Variants in PTPRD observed in about 807,000 individuals in gnomAD.
PTPRD encodes protein tyrosine phosphatase receptor type D, also known as receptor-type tyrosine-protein phosphatase delta.
A neutral mutation model predicts 214.5 loss-of-function variants in PTPRD; 34 were observed. The ratio of observed to expected loss-of-function variants is 0.16; its 90% confidence interval spans 0.12 to 0.21. PTPRD has a LOEUF of 0.21. PTPRD is among the 10% of genes least tolerant of loss of function. The pLI is 1.00. For synonymous variants in PTPRD, 1,128 were observed against 845.7 expected (o/e 1.33, Z -5.79); for missense variants, 2,545 against 2,398.7 (o/e 1.06, Z -1.27).
intron 7 of PTPRD, among the ~76,000 whole-genome samples, chr9:9,634,470 G>A (rs1320936003): frequency 6.6e-6 from 1 of 152,096 alleles, no homozygotes; most frequent in East Asian, 1.9e-4. Context: ...ATGAGACTGT[G>A]TGTTTGTTTC....
intron 2 of PTPRD, among the ~76,000 whole-genome samples, chr9:10,509,466 GATCC>G (rs1421234473): frequency 4.4e-5 from 2 of 45,208 alleles, no homozygotes; most frequent in African/African-American, 1.4e-4. Flanking sequence ...CCTTTTGATT[GATCC>G]ATCTATCTAT....
intron 2 of PTPRD, among the ~76,000 whole-genome samples, chr9:10,603,064 T>C (rs2078382170): frequency 6.6e-6 from 1 of 151,784 alleles, no homozygotes; most frequent in Non-Finnish European, 1.5e-5. Flanking sequence ...AAGGAGCTGA[T>C]ATACCATAAA....
At chr9:8,832,883 A>G (rs1255351260) in intron 11 of PTPRD, among the ~76,000 whole-genome samples, 3 of 152,148 alleles carry the variant, frequency 2.0e-5, no homozygotes, top group Non-Finnish European at 4.4e-5. Context: ...ACAAAAAATA[A>G]TATCTGAAAT....
At chr9:8,704,243 C>A (rs1420122248) in intron 12 of PTPRD, among the ~76,000 whole-genome samples, 1 of 152,104 alleles carries the variant, frequency 6.6e-6, no homozygotes, top group Non-Finnish European at 1.5e-5. Context: ...GCCTTCCCCC[C>A]TCCCACTCCA....
chr9:9,525,353 T>A (rs2073877420), intron 8 of PTPRD, among the ~76,000 whole-genome samples: 1 of 152,204 alleles, frequency 6.6e-6, no homozygotes, highest in African/African-American at 2.4e-5. Flanking sequence ...CAACCAAGGA[T>A]GATTAACGCT....
At chr9:9,911,788 G>T (rs1168145493) in intron 5 of PTPRD, among the ~76,000 whole-genome samples, 1 of 151,962 alleles carries the variant, frequency 6.6e-6, no homozygotes, top group Non-Finnish European at 1.5e-5. Flanking sequence ...ATAAATAAGA[G>T]AAAATGTTAA....
At chr9:9,598,692 TA>T (rs2093547673) in intron 7 of PTPRD, among the ~76,000 whole-genome samples, 1 of 152,080 alleles carries the variant, frequency 6.6e-6, no homozygotes, top group South Asian at 2.1e-4. Context: ...TTCACAGTAT[TA>T]AATGTTTATT....
intron 11 of PTPRD, among the ~76,000 whole-genome samples, chr9:8,913,478 A>C (rs551671746): frequency 6.6e-6 from 1 of 152,274 alleles, no homozygotes; most frequent in South Asian, 2.1e-4. Context: ...CAAGCAAAGT[A>C]TATTATTTAC....
intron 9 of PTPRD, among the ~76,000 whole-genome samples, chr9:9,312,534 A>C (rs1264214512): frequency 1.3e-5 from 2 of 152,094 alleles, no homozygotes; most frequent in African/African-American, 4.8e-5. Flanking sequence ...TTTTCTCTGG[A>C]TACTCTGGTT....
At chr9:10,413,044 A>G (rs2098453382) in intron 2 of PTPRD, among the ~76,000 whole-genome samples, 1 of 151,958 alleles carries the variant, frequency 6.6e-6, no homozygotes, top group Non-Finnish European at 1.5e-5. Flanking sequence ...TCCCCTTGAA[A>G]ACCAGGACAA....
At chr9:9,246,689 C>G (rs931152853) in intron 9 of PTPRD, among the ~76,000 whole-genome samples, 1 of 151,946 alleles carries the variant, frequency 6.6e-6, no homozygotes, top group African/African-American at 2.4e-5. Flanking sequence ...GTAAGCCCAC[C>G]GGCAACATCA....
intron 9 of PTPRD, among the ~76,000 whole-genome samples, chr9:9,186,984 T>C (rs1302260756): frequency 1.3e-5 from 2 of 151,336 alleles, no homozygotes; most frequent in Non-Finnish European, 2.9e-5. Context: ...ATATGACTCT[T>C]GAGTATTATA....
intron 35 of PTPRD, among the ~76,000 whole-genome samples, chr9:8,404,909 T>C (rs1028716713): frequency 1.3e-5 from 2 of 152,250 alleles, no homozygotes; most frequent in African/African-American, 4.8e-5. Context: ...GATGTTCTGT[T>C]AATATTGGAA....
intron 7 of PTPRD, among the ~76,000 whole-genome samples, chr9:9,719,469 C>T (rs2097896291): frequency 6.6e-6 from 1 of 152,152 alleles, no homozygotes; most frequent in African/African-American, 2.4e-5. Flanking sequence ...CTGGATTCCC[C>T]AAGCCAGAGC....
intron 3 of PTPRD, among the ~76,000 whole-genome samples, chr9:10,088,192 A>G (rs917223733): frequency 2.0e-5 from 3 of 151,766 alleles, no homozygotes; most frequent in African/African-American, 7.2e-5. Context: ...ATCAGGCTAG[A>G]TTATATCTTC....
intron 11 of PTPRD, among the ~76,000 whole-genome samples, chr9:8,976,804 T>C (rs1010548040): frequency 3.9e-5 from 6 of 152,128 alleles, no homozygotes; most frequent in Admixed American, 1.3e-4. Flanking sequence ...AGGTGGATAT[T>C]GTTGATTTTT....
At chr9:9,658,785 T>A (rs1362058889) in intron 7 of PTPRD, among the ~76,000 whole-genome samples, 2 of 152,130 alleles carry the variant, frequency 1.3e-5, no homozygotes, top group African/African-American at 2.4e-5. Context: ...TATTCCGTGT[T>A]AGGTACTGTG....
At chr9:9,930,278 C>G (rs761488273) in intron 5 of PTPRD, among the ~76,000 whole-genome samples, 2 of 151,878 alleles carry the variant, frequency 1.3e-5, no homozygotes, top group Non-Finnish European at 2.9e-5. Flanking sequence ...TTGGGAATAT[C>G]GAAGCCATGG....
At chr9:9,528,854 CATTGAAAATATAAA>C (rs2074779033) in intron 8 of PTPRD, among the ~76,000 whole-genome samples, 1 of 151,066 alleles carries the variant, frequency 6.6e-6, no homozygotes, top group African/African-American at 2.4e-5. Flanking sequence ...AATTTTTTCC[CATTGAAAATATAAA>C]ATTTATACAA....
Sources: allele counts gnomAD v4.1 joint callset (sites outside exome capture counted in the v4.1 genomes callset), GRCh38; gene constraint gnomAD v4.1.1; transcripts MANE v1.5; gene names NCBI Gene and HGNC (gene_info 2026-07-23, HGNC 2026-07-21).